The following TTF1 variants were observed in gnomAD, a reference collection of about 807,000 sequenced individuals.
TTF1 encodes the protein transcription termination factor, RNA polymerase I.
TTF1 carries 64 observed loss-of-function variants against 80.2 expected under a neutral mutation model. The observed-to-expected ratio is 0.80, with a 90% CI of 0.65 to 0.98. The LOEUF (loss-of-function observed/expected upper bound fraction) is 0.98, where lower values mean the gene tolerates loss of function less well. Ranked by LOEUF, TTF1 falls within the 50% of genes least tolerant of loss-of-function variation. TTF1 has a pLI of 0.00. For missense variants in TTF1, 1,023 were observed against 1,086.2 expected (o/e 0.94, Z 0.82); for synonymous variants, 372 against 382.7 (o/e 0.97, Z 0.33).
intron 7 of TTF1, 152 bp from the exon 8 acceptor site, chr9:132,388,380 A>C (rs1223726581): frequency 2.0e-6 from 1 of 495,808 alleles, no homozygotes; most frequent in Non-Finnish European, 3.6e-6. Flanking sequence ...TTTGTCACCC[A>C]GGCTGGAGTG....
At position 132,402,491 on chromosome 9, in the gene TTF1, T is replaced by C; in HGVS notation, c.331A>G (p.Asn111Asp). 1 of 1,614,198 alleles carries C rather than the reference T, an allele frequency of 6.2e-7. No individual in the cohort carries two copies. The highest frequency in any genetic ancestry group is 8.5e-7 in the Non-Finnish European group (1 of 1,180,040). The part of the protein sequence containing the change: ...GVTVVLVDKE[N>D]INNTPKHFRK... ...AAATGCTTTGGTGTGTTGTTAATAT[T>C]TTCTTTATCCACAAGGACAACTGTA... The change falls in exon 2 of 11, where the codon AAT becomes GAT. Residue 111 changes from asparagine (N) to aspartate (D), a missense_variant. Transcript: ENST00000334270.
intron 5 of TTF1, among the ~76,000 whole-genome samples, chr9:132,393,002 T>G (rs1564187489): frequency 6.6e-6 from 1 of 152,182 alleles, no homozygotes; most frequent in African/African-American, 2.4e-5. Context: ...CACATCTCAA[T>G]GTGGACTAAC....
chr9:132,400,194 A>G lies in TTF1; in HGVS notation c.1432T>C (p.Ser478Pro), dbSNP rs552918692. The part of the protein sequence containing the change: ...TAEDSEIRYL[S>P]ADSGDADDSD... ...TCATCGGCATCTCCTGAATCTGCAG[A>G]TAAGTATCTTATTTCGGAATCTTCA... The change falls in exon 3 of 11, where the codon TCT becomes CCT. Residue 478 changes from serine (S) to proline (P), a missense_variant. Transcript: ENST00000334270. The G allele has an allele frequency of 1.1e-5, 17 of 1,614,096 alleles. No individual in the cohort carries two copies. Among genetic ancestry groups the G allele is most frequent in the Admixed American group, 3.3e-5 (2 of 60,006 alleles).
chr9:132,397,060 T>C (rs761397256), intron 4 of TTF1, among the ~76,000 whole-genome samples: 5 of 152,074 alleles, frequency 3.3e-5, no homozygotes, highest in Non-Finnish European at 5.9e-5. Flanking sequence ...GAAGAGCAGA[T>C]ACACACAATC....
intron 5 of TTF1, among the ~76,000 whole-genome samples, chr9:132,395,722 A>T (rs1203453767): frequency 6.6e-6 from 1 of 152,198 alleles, no homozygotes. Flanking sequence ...GCAGAACTCA[A>T]CTGCCGCTGC....
At chr9:132,385,504 T>G (rs1849449458) in intron 9 of TTF1, among the ~76,000 whole-genome samples, 1 of 152,214 alleles carries the variant, frequency 6.6e-6, no homozygotes, top group African/African-American at 2.4e-5. Flanking sequence ...CTCACTGTTC[T>G]GGGCCACCTG....
chr9:132,377,264 C>CAT (rs1849206016), intron 10 of TTF1, among the ~76,000 whole-genome samples: 2 of 101,658 alleles, frequency 2.0e-5, no homozygotes, highest in African/African-American at 4.1e-5. Flanking sequence ...TGAGTGCATG[C>CAT]GTGTGGTGTG....
intron 2 of TTF1, among the ~76,000 whole-genome samples, chr9:132,400,878 CAT>C (rs1849749037): frequency 6.6e-6 from 1 of 152,144 alleles, no homozygotes; most frequent in South Asian, 2.1e-4. Context: ...TAAATTTACT[CAT>C]AGATTTTCTA....
At chr9:132,398,389 G>C in intron 3 of TTF1, 63 bp from the exon 4 acceptor site, 1 of 1,527,536 alleles carries the variant, frequency 6.5e-7, no homozygotes, top group Non-Finnish European at 8.8e-7. Context: ...GCAAACCTAT[G>C]ACTTGGTTTT....
Position 132,401,859 on chromosome 9 carries a change from T to C in TTF1, c.963A>G (p.Ala321=), listed in dbSNP as rs748335951. The change falls in exon 2 of 11, where the codon GCA becomes GCG. Residue 321 remains alanine (A), a synonymous_variant. Transcript: ENST00000334270. ...TTTTATAAGCAGGTGCTGGTATTCC[T>C]GCAGTTTCACCATGCAGGCCCACAG... ...RPAVGLHGET[A]GIPAPAYKNK... 6.2e-7 allele frequency: 1 copy of C among 1,614,050 alleles called. No individual in the cohort carries two copies. The highest frequency in any genetic ancestry group is 1.1e-5 in the South Asian group (1 of 91,086).
chr9:132,396,485 G>C lies in TTF1; in HGVS notation c.1804C>G (p.Leu602Val). The change falls in exon 5 of 11, where the codon CTT becomes GTT. Residue 602 changes from leucine to valine, a missense_variant. By Grantham distance (32) the Leu-to-Val change is conservative. Transcript: ENST00000334270. ...ATCTTCTTTGCTCGATAGTATATAA[G>C]TTTCCAGGGCCGGGCAATGTTCCTA... ...IGRNIARPWKLIYYRAKKMFD... is the reference protein window; with the variant it reads ...IGRNIARPWKVIYYRAKKMFD... 6.2e-7 allele frequency: 1 copy of C among 1,614,152 alleles called. No individual in the cohort carries two copies. The highest frequency in any genetic ancestry group is 1.3e-5 in the African/African-American group (1 of 75,030).
At chr9:132,406,316 C>T (rs1327104621) in intron 1 of TTF1, among the ~76,000 whole-genome samples, 1 of 151,970 alleles carries the variant, frequency 6.6e-6, no homozygotes, top group East Asian at 1.9e-4. Context: ...AAGACCCAAG[C>T]CGCGGCCGGG....
At chr9:132,401,391 G>C in intron 2 of TTF1, 64 bp downstream of exon 2, 1 of 1,436,812 alleles carries the variant, frequency 7.0e-7, no homozygotes, top group Non-Finnish European at 9.3e-7. Context: ...GCTAAATAAA[G>C]AGGTATCGGC....
chr9:132,383,398 T>C (rs1589817314), intron 9 of TTF1, among the ~76,000 whole-genome samples: 1 of 152,146 alleles, frequency 6.6e-6, no homozygotes, highest in East Asian at 1.9e-4. Context: ...ACTTCCTGAT[T>C]CTCGATTGTA....
Position 132,402,769 on chromosome 9 carries a change from T to C in TTF1, c.53A>G (p.Lys18Arg), listed in dbSNP as rs1446504558. ...CTTATGTATAGAACACTTTTTCTTT[T>C]TCTTGTCAGAAACTGGAGTGTGGAT... Reference protein sequence around the residue: ...FEIHTPVSDKKKKKCSIHKER... With the variant: ...FEIHTPVSDKRKKKCSIHKER... Residue 18 changes from lysine (K) to arginine (R), a missense_variant, in exon 2 of 11, where the codon AAA becomes AGA. Coordinates refer to ENST00000334270, the MANE Select transcript of TTF1 (RefSeq NM_007344.4). 2 of 1,601,508 alleles carry C rather than the reference T, an allele frequency of 1.2e-6. No homozygotes were observed. The highest frequency in any genetic ancestry group is 1.7e-6 in the Non-Finnish European group (2 of 1,176,922).
rs1849542532 is a variant in TTF1, at chr9:132,390,627, G to A, written c.2192C>T (p.Thr731Ile). Reference sequence around the variant, plus strand: ...ACTTTTACACTGCATCCAATTTCTGGTTTGCACTTTAGCTTCTACTTCTAC... The same window carrying A: ...ACTTTTACACTGCATCCAATTTCTGATTTGCACTTTAGCTTCTACTTCTAC... ...SWVEVEAKVQ[T>I]RNWMQCKSKW... The change falls in exon 7 of 11, where the codon ACC (threonine) becomes ATC (isoleucine). Residue 731 changes from threonine (T) to isoleucine (I), a missense_variant. Coordinates refer to ENST00000334270, the MANE Select transcript of TTF1 (RefSeq NM_007344.4). The A allele has an allele frequency of 2.5e-6, 4 of 1,614,054 alleles. No homozygotes were observed. The highest frequency in any genetic ancestry group is 2.7e-5 in the African/African-American group (2 of 74,926).
chr9:132,396,640 C>G (rs912551457), intron 4 of TTF1, 129 bp from the exon 5 acceptor site: 1 of 719,758 alleles, frequency 1.4e-6, no homozygotes, highest in African/African-American at 1.8e-5. Flanking sequence ...GGATTTCCTA[C>G]GTCCTGAAGA....
Position 132,401,964 on chromosome 9 carries a change from CTGG to C in TTF1, c.855_857del (p.His285del). On this transcript the variant is annotated inframe_deletion, in exon 2 of 11. Coordinates refer to ENST00000334270, the MANE Select transcript of TTF1 (RefSeq NM_007344.4). ...CAGGCATGGCCAATGCCTCAAATTC[CTGG>C]TGATTGGACTTTTTCTTCTTTTTTT... is the stretch of plus-strand genomic sequence containing the variant. 6.2e-7 allele frequency: 1 copy of C among 1,613,992 alleles called. No individual in the cohort carries two copies. Among genetic ancestry groups the C allele is most frequent in the Non-Finnish European group, 8.5e-7 (1 of 1,179,998 alleles).
intron 8 of TTF1, among the ~76,000 whole-genome samples, chr9:132,387,018 C>A (rs534453227): frequency 6.6e-6 from 1 of 152,142 alleles, no homozygotes; most frequent in Non-Finnish European, 1.5e-5. Context: ...ACTGCAGTGG[C>A]GTGATCGTGG....
Sources: gnomAD v4.1 joint callset for allele counts (sites outside exome capture counted in the v4.1 genomes callset) on GRCh38, gnomAD v4.1.1 for gene constraint, MANE v1.5 for transcripts, NCBI Gene and HGNC (gene_info 2026-07-23, HGNC 2026-07-21) for gene names.